The following TTLL7 variants were observed in gnomAD, a reference collection of about 807,000 sequenced individuals.
The protein encoded by TTLL7 is tubulin polyglutamylase TTLL7.
In TTLL7, 53 loss-of-function variants were observed where a neutral mutation model predicts 120.2. That is an observed-to-expected ratio of 0.44 (90% CI 0.35 to 0.55). TTLL7 has a LOEUF of 0.55. TTLL7 is among the 20% of genes least tolerant of loss of function. TTLL7 has a pLI of 0.00. For missense variants in TTLL7, 803 were observed against 1,054.7 expected (o/e 0.76, Z 3.31); for synonymous variants, 353 against 351.7 (o/e 1.00, Z -0.04).
In TTLL7 at chr1:83,975,268, A is replaced by C. The variant is rs570053257; in HGVS notation, c.-176-22881T>G. Among the ~76,000 whole-genome samples the C allele has an allele frequency of 5.3e-5, 8 of 152,252 alleles. No individual in the cohort carries two copies. The East Asian group carries it at 1.5e-3, about 29-fold the overall frequency. On this transcript the variant is annotated intron_variant, in intron 1 of 20. Transcript: ENST00000260505. ...CTGGCTCCCAGCCCCAAACTTTCTAAGCTAATGGGTCTGGAGTGCAGCCTT... is the reference window on the plus strand; with the variant it reads ...CTGGCTCCCAGCCCCAAACTTTCTACGCTAATGGGTCTGGAGTGCAGCCTT...
intron 18 of TTLL7, among the ~76,000 whole-genome samples, chr1:83,894,732 C>T (rs1656067984): frequency 6.6e-6 from 1 of 152,042 alleles, no homozygotes; most frequent in African/African-American, 2.4e-5. Context: ...CCATCAGGCA[C>T]CTCTACCTAA....
chr1:83,889,439 G>A lies in TTLL7; in HGVS notation c.2369+882C>T, dbSNP rs534938606. Among the ~76,000 whole-genome samples, 3 of 151,462 alleles carry A rather than the reference G, an allele frequency of 2.0e-5. No homozygotes were observed. In the South Asian group the frequency reaches 6.2e-4, roughly 32 times the overall value. On this transcript the variant is annotated intron_variant, in intron 19 of 20. Transcript: ENST00000260505. ...CATACTTTATCTGCTAGAGACATCA[G>A]AGTTTATAGGTTAAGAGCATAAACT... is the stretch of plus-strand genomic sequence containing the variant.
chr1:83,886,471 A>G (rs1654983986), intron 19 of TTLL7, among the ~76,000 whole-genome samples: 1 of 152,050 alleles, frequency 6.6e-6, no homozygotes, highest in East Asian at 1.9e-4. Context: ...ATTGAAAGTG[A>G]TATGAAAACA....
At chr1:83,891,810 A>G (rs1212974197) in intron 18 of TTLL7, among the ~76,000 whole-genome samples, 1 of 134,964 alleles carries the variant, frequency 7.4e-6, no homozygotes, top group African/African-American at 2.9e-5. Context: ...AAAATGTACT[A>G]GAGACTATAT....
intron 5 of TTLL7, 81 bp from the exon 6 acceptor site, chr1:83,947,363 C>A: frequency 7.8e-7 from 1 of 1,283,516 alleles, no homozygotes; most frequent in Non-Finnish European, 1.1e-6. Flanking sequence ...TGATATTTGC[C>A]ACAAAGATTT....
chr1:83,889,885 G>C (rs1655301491), intron 19 of TTLL7: 2 of 456,618 alleles, frequency 4.4e-6, no homozygotes, highest in Non-Finnish European at 4.4e-6. Flanking sequence ...ATAATAATAG[G>C]ATTAAGGGAA....
chr1:83,938,026 G>A lies in TTLL7; in HGVS notation c.724-10C>T. On this transcript the variant is annotated splice_polypyrimidine_tract_variant and intron_variant, in intron 7 of 20. Coordinates refer to ENST00000260505, the MANE Select transcript of TTLL7 (RefSeq NM_024686.6). ...GCATGTATAACTGGGTCTGTAACAAGTAAGAACCAAAGTTGTTACCACCTA... is the reference window on the plus strand; with the variant it reads ...GCATGTATAACTGGGTCTGTAACAAATAAGAACCAAAGTTGTTACCACCTA... 6.2e-7 allele frequency: 1 copy of A among 1,613,426 alleles called. No homozygotes were observed. The highest frequency in any genetic ancestry group is 8.5e-7 in the Non-Finnish European group (1 of 1,179,498).
chr1:83,979,967 G>A (rs1463517511), intron 1 of TTLL7: 1 of 152,210 alleles, frequency 6.6e-6, no homozygotes, highest in Admixed American at 6.5e-5. Context: ...TCTGATAGCT[G>A]ACTTTAAAAG....
rs1659711613 is a variant in TTLL7 at position 83,932,787 on chromosome 1, TGTTCCTGATTAC to T, written c.1047+809_1047+820del. On this transcript the variant is annotated intron_variant, in intron 9 of 20. Transcript: ENST00000260505. ...GTTGACTACATCTTCTACAGCTGTA[TGTTCCTGATTAC>T]GTTTCCAAAACATGATATTTAAGCG... Among the ~76,000 whole-genome samples the T allele has an allele frequency of 3.3e-5, 5 of 152,242 alleles. No homozygotes were observed. The South Asian group carries it at 8.3e-4, about 25-fold the overall frequency.
chr1:83,966,035 G>C (rs1419537106), intron 1 of TTLL7, among the ~76,000 whole-genome samples: 1 of 152,116 alleles, frequency 6.6e-6, no homozygotes. Context: ...CTAGGCCACA[G>C]TACTCAGATA....
At chr1:83,975,420 A>G (rs1651375143) in intron 1 of TTLL7, among the ~76,000 whole-genome samples, 1 of 152,110 alleles carries the variant, frequency 6.6e-6, no homozygotes, top group Admixed American at 6.6e-5. Context: ...TATTTTACAG[A>G]TGAGAAAACT....
At chr1:83,946,059 T>C (rs1042513686) in intron 6 of TTLL7, 2 of 152,162 alleles carry the variant, frequency 1.3e-5, no homozygotes, top group Admixed American at 6.6e-5. Flanking sequence ...AAATGACTCA[T>C]GTATTTTTTT....
At chr1:83,904,270 A>T in intron 17 of TTLL7, 111 bp from the exon 18 acceptor site, 1 of 716,270 alleles carries the variant, frequency 1.4e-6, no homozygotes, top group African/African-American at 1.8e-5. Context: ...GCCAACTTTC[A>T]TAAAAACACA....
At chr1:83,950,010 A>G in intron 3 of TTLL7, 24 bp from the exon 4 acceptor site, 1 of 1,580,882 alleles carries the variant, frequency 6.3e-7, no homozygotes, top group Non-Finnish European at 8.6e-7. Flanking sequence ...GTTAAGTTAA[A>G]CCAAAATTAA....
At chr1:83,877,698 A>C (rs142645492) in intron 20 of TTLL7, among the ~76,000 whole-genome samples, 6 of 151,872 alleles carry the variant, frequency 4.0e-5, no homozygotes, top group African/African-American at 1.4e-4. Context: ...TTCCTTCTTG[A>C]TATTAGCTAT....
intron 1 of TTLL7, among the ~76,000 whole-genome samples, chr1:83,972,596 T>C (rs1319439698): frequency 6.6e-6 from 1 of 152,116 alleles, no homozygotes; most frequent in East Asian, 1.9e-4. Context: ...TTTCAACTCC[T>C]CTGGGTAAAT....
At chr1:83,927,115 A>C (rs550216844) in intron 10 of TTLL7, among the ~76,000 whole-genome samples, 5 of 152,296 alleles carry the variant, frequency 3.3e-5, no homozygotes, top group African/African-American at 1.2e-4. Context: ...TTGTGATGGA[A>C]TATCCTGAAC....
At chr1:83,900,926 GT>G (rs747650502) in intron 18 of TTLL7, among the ~76,000 whole-genome samples, 4 of 151,810 alleles carry the variant, frequency 2.6e-5, no homozygotes, top group Non-Finnish European at 4.4e-5. Flanking sequence ...TTTTTTACTT[GT>G]TTTTTCCTCT....
chr1:83,911,017 C>T (rs1657630173), intron 15 of TTLL7, 148 bp downstream of exon 15: 15 of 640,564 alleles, frequency 2.3e-5, no homozygotes, highest in South Asian at 2.2e-4. Flanking sequence ...GGGATGTGCC[C>T]GAGTCTGGTT....
Sources: allele counts gnomAD v4.1 joint callset (sites outside exome capture counted in the v4.1 genomes callset), GRCh38; gene constraint gnomAD v4.1.1; transcripts MANE v1.5; gene names NCBI Gene and HGNC (gene_info 2026-07-23, HGNC 2026-07-21).